Variants in NCAM2 observed in about 807,000 individuals in gnomAD.
NCAM2 encodes the protein N-CAM-2.
In NCAM2, 30 loss-of-function variants were observed where a neutral mutation model predicts 98.1. That is an observed-to-expected ratio of 0.31 (90% confidence interval 0.23 to 0.41). The LOEUF (loss-of-function observed/expected upper bound fraction) is 0.41, where lower values mean the gene tolerates loss of function less well. Ranked by LOEUF, NCAM2 falls within the 10% of genes least tolerant of loss-of-function variation. The probability of loss-of-function intolerance (pLI) is 1.00; values close to 1 mark genes in which losing one functional copy is unlikely to be tolerated. For synonymous variants in NCAM2, 368 were observed against 342.4 expected, an observed-to-expected ratio of 1.07 and a Z score of -0.83; for missense variants, 867 against 1,005.8, an observed-to-expected ratio of 0.86 and a Z score of 1.87.
intron 1 of NCAM2, among the ~76,000 whole-genome samples, chr21:21,264,655 A>G (rs548898743): frequency 2.3e-4 from 34 of 146,692 alleles, no homozygotes; most frequent in Middle Eastern, 3.5e-3. Context: ...GTGTGTGTGC[A>G]TATATATATA....
intron 1 of NCAM2, among the ~76,000 whole-genome samples, chr21:21,200,761 T>G (rs2069187633): frequency 6.7e-6 from 1 of 150,068 alleles, no homozygotes; most frequent in Admixed American, 6.7e-5. Flanking sequence ...ATTTTTTTTT[T>G]TTTTTTTTTT....
chr21:21,017,332 A>C (rs2064330111), intron 1 of NCAM2, among the ~76,000 whole-genome samples: 1 of 146,060 alleles, frequency 6.8e-6, no homozygotes, highest in African/African-American at 2.5e-5. Context: ...AGGCTGAGGC[A>C]GGAGAATCAC....
intron 9 of NCAM2, among the ~76,000 whole-genome samples, chr21:21,382,574 G>A (rs148156812): frequency 0.023 from 3,468 of 149,018 alleles, 59 homozygotes; most frequent in Non-Finnish European, 0.035. Context: ...GGAGTGCAAT[G>A]GTGTGATCTC....
intron 16 of NCAM2, 26 bp downstream of exon 16, chr21:21,509,081 T>G (rs1988190594): frequency 3.7e-6 from 6 of 1,610,918 alleles, no homozygotes; most frequent in East Asian, 4.5e-5. Flanking sequence ...CTACATCATG[T>G]CATATTAAAC....
At chr21:21,379,703 A>G (rs2076109960) in intron 9 of NCAM2, among the ~76,000 whole-genome samples, 1 of 152,092 alleles carries the variant, frequency 6.6e-6, no homozygotes, top group African/African-American at 2.4e-5. Context: ...TTTTACTTGA[A>G]AAGCACATAT....
chr21:21,510,560 C>T (rs902125817), intron 16 of NCAM2, among the ~76,000 whole-genome samples: 3 of 149,942 alleles, frequency 2.0e-5, no homozygotes, highest in Non-Finnish European at 3.0e-5. Context: ...TTCTATGCAT[C>T]TGTTGAAGCG....
chr21:21,050,212 C>G (rs1425276202), intron 1 of NCAM2, among the ~76,000 whole-genome samples: 2 of 152,110 alleles, frequency 1.3e-5, no homozygotes, highest in African/African-American at 4.8e-5. Flanking sequence ...CACACACTCC[C>G]TTAATTTGTA....
At chr21:21,505,005 A>G (rs540862467) in intron 15 of NCAM2, among the ~76,000 whole-genome samples, 7 of 152,102 alleles carry the variant, frequency 4.6e-5, no homozygotes, top group Non-Finnish European at 7.4e-5. Context: ...CTGTTGTGCT[A>G]TTAAATACCT....
chr21:21,252,497 T>C (rs1475989186), intron 1 of NCAM2, among the ~76,000 whole-genome samples: 1 of 151,808 alleles, frequency 6.6e-6, no homozygotes, highest in Non-Finnish European at 1.5e-5. Context: ...ATCTAGTCAA[T>C]CAATTATAGA....
intron 16 of NCAM2, among the ~76,000 whole-genome samples, chr21:21,521,979 A>G (rs1282372157): frequency 6.7e-6 from 1 of 150,252 alleles, no homozygotes; most frequent in Non-Finnish European, 1.5e-5. Context: ...CATCATATTC[A>G]AACTGCAGAA....
intron 8 of NCAM2, among the ~76,000 whole-genome samples, chr21:21,371,524 C>T (rs943814197): frequency 6.6e-6 from 1 of 151,696 alleles, no homozygotes; most frequent in Non-Finnish European, 1.5e-5. Context: ...CCACATGACC[C>T]CACTGTCTTC....
chr21:21,376,833 A>T (rs1298195492), intron 9 of NCAM2, among the ~76,000 whole-genome samples: 1 of 151,782 alleles, frequency 6.6e-6, no homozygotes, highest in Non-Finnish European at 1.5e-5. Context: ...TATGTAGTTT[A>T]GTTTATCTTA....
chr21:21,404,038 A>T (rs1004683645), intron 9 of NCAM2, among the ~76,000 whole-genome samples: 3 of 152,144 alleles, frequency 2.0e-5, no homozygotes, highest in Non-Finnish European at 4.4e-5. Context: ...TATGATAAAA[A>T]TAATTGATGT....
intron 5 of NCAM2, among the ~76,000 whole-genome samples, chr21:21,304,493 A>G (rs2073821587): frequency 6.6e-6 from 1 of 152,090 alleles, no homozygotes; most frequent in Admixed American, 6.6e-5. Flanking sequence ...TACACCAACA[A>G]AAGCCGTTAT....
At chr21:21,172,592 A>G (rs984257263) in intron 1 of NCAM2, among the ~76,000 whole-genome samples, 1 of 152,152 alleles carries the variant, frequency 6.6e-6, no homozygotes, top group Non-Finnish European at 1.5e-5. Flanking sequence ...TGGCATAATT[A>G]TATGTGAGAA....
intron 1 of NCAM2, among the ~76,000 whole-genome samples, chr21:21,278,601 C>G (rs1237821615): frequency 2.0e-5 from 3 of 152,054 alleles, no homozygotes; most frequent in Non-Finnish European, 4.4e-5. Context: ...TATTGAGCCT[C>G]TATAATATCA....
intron 8 of NCAM2, among the ~76,000 whole-genome samples, chr21:21,341,251 C>G (rs1408373062): frequency 1.3e-5 from 2 of 151,932 alleles, no homozygotes; most frequent in African/African-American, 2.4e-5. Context: ...ATTGTACTTT[C>G]CATAAGAATC....
intron 9 of NCAM2, among the ~76,000 whole-genome samples, chr21:21,402,136 C>T (rs1246566371): frequency 6.6e-6 from 1 of 152,100 alleles, no homozygotes; most frequent in Non-Finnish European, 1.5e-5. Context: ...TTTTAGGGAA[C>T]AAGGGAAGAC....
At chr21:21,303,703 T>C (rs58237996) in intron 5 of NCAM2, among the ~76,000 whole-genome samples, 48,454 of 151,880 alleles carry the variant, frequency 0.32, 8,474 homozygotes, top group African/African-American at 0.46. Context: ...TTTTCCAAAG[T>C]GATTGTACTA....
Sources: gnomAD v4.1 joint callset for allele counts (sites outside exome capture counted in the v4.1 genomes callset) on GRCh38, gnomAD v4.1.1 for gene constraint, MANE v1.5 for transcripts, NCBI Gene and HGNC (gene_info 2026-07-23, HGNC 2026-07-21) for gene names.